Variants in ADIPOR2 observed in about 807,000 individuals in gnomAD.
ADIPOR2 encodes adiponectin receptor 2, also known as adiponectin receptor protein 2.
Under a neutral mutation model 40.9 loss-of-function variants are expected in ADIPOR2, and 18 were observed. The observed-to-expected ratio is 0.44, with a 90% CI of 0.30 to 0.65. The LOEUF (loss-of-function observed/expected upper bound fraction) is 0.65, where lower values mean the gene tolerates loss of function less well. ADIPOR2 is among the 30% of genes least tolerant of loss of function. The probability of loss-of-function intolerance (pLI) is 0.09; values close to 1 mark genes in which losing one functional copy is unlikely to be tolerated. For synonymous variants in ADIPOR2, 165 were observed against 166.4 expected (o/e 0.99, Z 0.06); for missense variants, 283 against 479.2 (o/e 0.59, Z 3.82).
intron 1 of ADIPOR2, among the ~76,000 whole-genome samples, chr12:1,744,964 G>T (rs1435300520): frequency 6.6e-6 from 1 of 151,948 alleles, no homozygotes; most frequent in Non-Finnish European, 1.5e-5. Context: ...ATTAATTAAA[G>T]AAAAATGGGT....
intron 1 of ADIPOR2, among the ~76,000 whole-genome samples, chr12:1,692,970 C>A (rs968364938): frequency 1.3e-5 from 2 of 152,100 alleles, no homozygotes; most frequent in Non-Finnish European, 2.9e-5. Flanking sequence ...GCTTGGCCAA[C>A]ATGGTGAAAC....
chr12:1,786,789 C>T lies in ADIPOR2; in HGVS notation c.*717C>T, dbSNP rs1235599174. 6.6e-6 allele frequency: 1 copy of T among 152,508 alleles called. No individual in the cohort carries two copies. Among genetic ancestry groups the T allele is most frequent in the East Asian group, 1.9e-4 (1 of 5,194 alleles). 9.4% of individuals were successfully genotyped at this position (152,508 alleles called of 1,614,324 possible). A position where few individuals can be genotyped will look rare whatever the true frequency, so the allele number is the denominator to read the frequency against. ...CCCTAATGGGGCAGAGAGTATAGCC[C>T]TAGCCCAGTGGTGACATGACCACTC... On this transcript the variant is annotated 3_prime_UTR_variant, in exon 8 of 8. Coordinates refer to ENST00000357103, the MANE Select transcript of ADIPOR2 (RefSeq NM_024551.3).
intron 1 of ADIPOR2, among the ~76,000 whole-genome samples, chr12:1,709,974 A>G (rs996892286): frequency 6.6e-6 from 1 of 152,164 alleles, no homozygotes; most frequent in Non-Finnish European, 1.5e-5. Flanking sequence ...ATTTCTGTTC[A>G]TCCTGCCTAG....
intron 1 of ADIPOR2, among the ~76,000 whole-genome samples, chr12:1,730,181 T>C (rs1215934474): frequency 6.6e-6 from 1 of 151,636 alleles, no homozygotes; most frequent in African/African-American, 2.4e-5. Context: ...ATATACCCCT[T>C]AGGACCTCAC....
At chr12:1,740,162 T>C (rs2094739577) in intron 1 of ADIPOR2, among the ~76,000 whole-genome samples, 1 of 152,228 alleles carries the variant, frequency 6.6e-6, no homozygotes. Context: ...GATGCCTACC[T>C]TGAATGGTAA....
At chr12:1,718,659 C>T (rs115797701) in intron 1 of ADIPOR2, among the ~76,000 whole-genome samples, 1,797 of 152,268 alleles carry the variant, frequency 0.012, 42 homozygotes, top group African/African-American at 0.042. Context: ...AAAATAGCAA[C>T]TTAGCAGTTA....
At chr12:1,753,790 T>C (rs994706658) in intron 1 of ADIPOR2, among the ~76,000 whole-genome samples, 5 of 152,172 alleles carry the variant, frequency 3.3e-5, no homozygotes, top group Non-Finnish European at 7.4e-5. Flanking sequence ...TAAACTTACA[T>C]ATATTCTTTC....
chr12:1,720,930 C>T lies in ADIPOR2; in HGVS notation c.-87+29739C>T, dbSNP rs186115732. On this transcript the variant is annotated intron_variant, in intron 1 of 7. Coordinates refer to ENST00000357103, the MANE Select transcript of ADIPOR2 (RefSeq NM_024551.3). ...GAGATAGATACATATCTGATTGCCT[C>T]CCTTGGAAAGGCTAATCAGAAATGC... Among the ~76,000 whole-genome samples, 10 of 152,290 alleles carry T rather than the reference C, an allele frequency of 6.6e-5. No homozygotes were observed. In the East Asian group the frequency reaches 1.9e-3, roughly 29 times the overall value.
At chr12:1,728,433 G>A (rs528933208) in intron 1 of ADIPOR2, among the ~76,000 whole-genome samples, 27 of 151,292 alleles carry the variant, frequency 1.8e-4, no homozygotes, top group Non-Finnish European at 3.1e-4. Context: ...AAAAAAAAAT[G>A]TTAACACGGC....
rs768174179 is a variant in ADIPOR2, at chr12:1,754,403, G to A, written c.60G>A (p.Arg20=). Residue 20 remains arginine (R), a synonymous_variant, in exon 2 of 8, where the codon AGG becomes AGA. Coordinates refer to ENST00000357103, the MANE Select transcript of ADIPOR2 (RefSeq NM_024551.3). ...GCAGGACTCCAGAGCCAGATATAAGGCTCAGAAAAGGGCACCAACTGGATG... is the reference window on the plus strand; with the variant it reads ...GCAGGACTCCAGAGCCAGATATAAGACTCAGAAAAGGGCACCAACTGGATG... ...GCSRTPEPDI[R]LRKGHQLDGT... 2 of 1,613,458 alleles carry A rather than the reference G, an allele frequency of 1.2e-6. No homozygotes were observed. The highest frequency in any genetic ancestry group is 2.2e-5 in the South Asian group (2 of 90,922).
intron 1 of ADIPOR2, among the ~76,000 whole-genome samples, chr12:1,726,870 C>G (rs747704107): frequency 8.5e-5 from 13 of 152,162 alleles, no homozygotes; most frequent in Non-Finnish European, 1.9e-4. Context: ...GAATTTGCTT[C>G]CCTTCTTTAT....
At chr12:1,774,783 C>T (rs1175523810) in intron 3 of ADIPOR2, among the ~76,000 whole-genome samples, 1 of 152,244 alleles carries the variant, frequency 6.6e-6, no homozygotes, top group Admixed American at 6.5e-5. Flanking sequence ...TGGCTCACTG[C>T]AACCTCCAAC....
chr12:1,724,038 A>G (rs1014097728), intron 1 of ADIPOR2, among the ~76,000 whole-genome samples: 8 of 151,834 alleles, frequency 5.3e-5, no homozygotes, highest in African/African-American at 1.5e-4. Flanking sequence ...CTGAAGTGCA[A>G]TGGTGTGATC....
chr12:1,772,772 G>T, intron 2 of ADIPOR2, 70 bp from the exon 3 acceptor site: 1 of 1,500,566 alleles, frequency 6.7e-7, no homozygotes, highest in South Asian at 1.4e-5. Flanking sequence ...AATTCCACAA[G>T]GGAAATGTAT....
chr12:1,751,662 G>A (rs1029954868), intron 1 of ADIPOR2, among the ~76,000 whole-genome samples: 8 of 151,778 alleles, frequency 5.3e-5, no homozygotes, highest in South Asian at 2.1e-4. Flanking sequence ...CATGAGCCAC[G>A]TGCCACCACA....
chr12:1,724,629 T>C (rs2094704261), intron 1 of ADIPOR2, among the ~76,000 whole-genome samples: 1 of 152,202 alleles, frequency 6.6e-6, no homozygotes, highest in Non-Finnish European at 1.5e-5. Context: ...AAAGATAATT[T>C]AGATGGTAAA....
At chr12:1,704,948 G>C (rs780361133) in intron 1 of ADIPOR2, among the ~76,000 whole-genome samples, 26 of 152,218 alleles carry the variant, frequency 1.7e-4, no homozygotes, top group Admixed American at 3.3e-4. Context: ...AGATTTCTTA[G>C]ACTTGTAAAA....
intron 1 of ADIPOR2, among the ~76,000 whole-genome samples, chr12:1,703,802 C>T (rs1046025119): frequency 1.3e-5 from 2 of 151,798 alleles, no homozygotes; most frequent in African/African-American, 2.4e-5. Flanking sequence ...TTTTTGTTTG[C>T]GACAGGGCTC....
chr12:1,759,473 A>G (rs1450498190), intron 2 of ADIPOR2, among the ~76,000 whole-genome samples: 1 of 152,216 alleles, frequency 6.6e-6, no homozygotes, highest in Non-Finnish European at 1.5e-5. Flanking sequence ...TTTTTTATTA[A>G]GTGGAATTCT....
Sources: allele counts gnomAD v4.1 joint callset (sites outside exome capture counted in the v4.1 genomes callset), GRCh38; gene constraint gnomAD v4.1.1; transcripts MANE v1.5; gene names NCBI Gene and HGNC (gene_info 2026-07-23, HGNC 2026-07-21).